S100Z: variants seen among roughly 807,000 people sequenced by gnomAD.
The protein encoded by S100Z is S100 calcium binding protein Z.
Under a neutral mutation model 8.5 loss-of-function variants are expected in S100Z, and 11 were observed. The ratio of observed to expected loss-of-function variants is 1.30; its 90% confidence interval spans 0.82 to 2.15. The LOEUF is 2.15. Ranked by LOEUF, S100Z falls within the 30% of genes most tolerant of loss-of-function variation. S100Z has a pLI of 0.00. For synonymous variants in S100Z, 34 were observed against 43.8 expected (o/e 0.78, Z 0.89); for missense variants, 126 against 117.9 (o/e 1.07, Z -0.32).
intron 4 of S100Z, among the ~76,000 whole-genome samples, chr5:76,889,741 A>G (rs1238950666): frequency 6.6e-6 from 1 of 152,262 alleles, no homozygotes; most frequent in Non-Finnish European, 1.5e-5. Context: ...TCTTTTCCTC[A>G]TGTTAGGAAC....
intron 4 of S100Z, among the ~76,000 whole-genome samples, chr5:76,918,567 A>G (rs952757602): frequency 1.3e-5 from 2 of 152,210 alleles, no homozygotes; most frequent in African/African-American, 4.8e-5. Context: ...AGGTTCATGT[A>G]AAGTTTAGTG....
intron 4 of S100Z, among the ~76,000 whole-genome samples, chr5:76,896,057 C>T (rs1192835267): frequency 6.6e-6 from 1 of 152,058 alleles, no homozygotes; most frequent in Non-Finnish European, 1.5e-5. Flanking sequence ...CCACCAGACC[C>T]AACCATTATA....
intron 1 of S100Z, among the ~76,000 whole-genome samples, chr5:76,868,765 A>G (rs527919901): frequency 2.6e-4 from 40 of 152,130 alleles, no homozygotes; most frequent in African/African-American, 9.2e-4. Flanking sequence ...CTGGGACTAC[A>G]GGCGCATGCC....
At chr5:76,866,245 C>T (rs1428133688) in intron 1 of S100Z, among the ~76,000 whole-genome samples, 6 of 151,544 alleles carry the variant, frequency 4.0e-5, no homozygotes, top group Non-Finnish European at 7.4e-5. Context: ...CCACCATGCC[C>T]GGCTAATTTT....
At chr5:76,871,048 C>T (rs1041056746) in intron 2 of S100Z, among the ~76,000 whole-genome samples, 22 of 152,208 alleles carry the variant, frequency 1.4e-4, no homozygotes, top group African/African-American at 5.1e-4. Context: ...ACCTGAACAA[C>T]TGAATTCCAG....
chr5:76,896,230 G>A (rs573622832), intron 4 of S100Z, among the ~76,000 whole-genome samples: 8 of 152,030 alleles, frequency 5.3e-5, no homozygotes, highest in African/African-American at 9.6e-5. Flanking sequence ...TACTCTCTAT[G>A]TCCATGAGTT....
At chr5:76,857,269 G>A (rs1022083285) in intron 1 of S100Z, among the ~76,000 whole-genome samples, 1 of 152,020 alleles carries the variant, frequency 6.6e-6, no homozygotes, top group African/African-American at 2.4e-5. Context: ...TCCAGCCTGG[G>A]CAACAGGCAA....
chr5:76,892,876 G>A (rs151008875), intron 4 of S100Z, among the ~76,000 whole-genome samples: 3 of 152,154 alleles, frequency 2.0e-5, no homozygotes, highest in Non-Finnish European at 4.4e-5. Flanking sequence ...TCTCAGGTGA[G>A]TGGAGGGATG....
intron 4 of S100Z, among the ~76,000 whole-genome samples, chr5:76,902,979 A>T (rs1744287866): frequency 6.6e-6 from 1 of 152,212 alleles, no homozygotes; most frequent in Non-Finnish European, 1.5e-5. Context: ...TGAGGTCAGG[A>T]GTTCAAGACC....
Position 76,900,656 on chromosome 5 carries a change from G to C in S100Z, c.*3-20061G>C, listed in dbSNP as rs942326280. On this transcript the variant is annotated intron_variant, in intron 4 of 4. Coordinates refer to ENST00000317593, the MANE Select transcript of S100Z (RefSeq NM_130772.4). ...TCTGTGTAATCTTGAATTTCTTTGA[G>C]TTTCTTCAACATAGCTATTTTGAAT... 7.5e-4 allele frequency among the ~76,000 whole-genome samples: 114 copies of C among 152,212 alleles called. 1 individual carries two copies. The highest frequency in any genetic ancestry group is 3.4e-3 in the Middle Eastern group (1 of 294).
the S100Z span, among the ~76,000 whole-genome samples, chr5:76,939,549 G>A: frequency 1.3e-4 from 17 of 135,616 alleles, no homozygotes; most frequent in African/African-American, 4.7e-4. Context: ...TTTTGCTCTT[G>A]TTGCCCAGGT....
At chr5:76,938,966 C>T in the S100Z span, among the ~76,000 whole-genome samples, 3 of 152,052 alleles carry the variant, frequency 2.0e-5, no homozygotes, top group Admixed American at 6.6e-5. Flanking sequence ...CTTTAAGGAC[C>T]ACCTATTATG....
chr5:76,860,288 T>G (rs1008732408), intron 1 of S100Z, among the ~76,000 whole-genome samples: 3 of 152,150 alleles, frequency 2.0e-5, no homozygotes, highest in African/African-American at 7.2e-5. Context: ...AGATGCTACA[T>G]CGACTCCAGC....
intron 4 of S100Z, among the ~76,000 whole-genome samples, chr5:76,883,363 A>G (rs191120441): frequency 3.2e-4 from 48 of 152,312 alleles, no homozygotes; most frequent in Non-Finnish European, 5.4e-4. Context: ...TCTCGACCTA[A>G]TAAGAGAGCT....
chr5:76,934,626 GA>G, the S100Z span, among the ~76,000 whole-genome samples: 7 of 152,206 alleles, frequency 4.6e-5, no homozygotes, highest in African/African-American at 1.7e-4. Flanking sequence ...AGGTGGAAGG[GA>G]GCATTCTCTT....
At chr5:76,946,080 G>A in the S100Z span, among the ~76,000 whole-genome samples, 69 of 152,244 alleles carry the variant, frequency 4.5e-4, no homozygotes, top group Middle Eastern at 0.017. Flanking sequence ...CTAGTCATTT[G>A]GTTAATTTCC....
At chr5:76,867,584 C>CT (rs57865301) in intron 1 of S100Z, among the ~76,000 whole-genome samples, 83 of 144,370 alleles carry the variant, frequency 5.7e-4, no homozygotes, top group African/African-American at 1.5e-3. Context: ...ATCATCCTTA[C>CT]TTTTTTTTTT....
chr5:76,873,846 T>C (rs1366521181), intron 2 of S100Z, among the ~76,000 whole-genome samples: 1 of 152,222 alleles, frequency 6.6e-6, no homozygotes, highest in Non-Finnish European at 1.5e-5. Flanking sequence ...CTTTGGTTTT[T>C]ACATGGACTC....
chr5:76,917,065 G>A (rs1263943646), intron 4 of S100Z, among the ~76,000 whole-genome samples: 1 of 143,350 alleles, frequency 7.0e-6, no homozygotes, highest in African/African-American at 2.7e-5. Flanking sequence ...GGCGGAGGTT[G>A]CAGTGAGCTG....
Sources: gnomAD v4.1 joint callset for allele counts (sites outside exome capture counted in the v4.1 genomes callset) on GRCh38, gnomAD v4.1.1 for gene constraint, MANE v1.5 for transcripts, NCBI Gene and HGNC (gene_info 2026-07-23, HGNC 2026-07-21) for gene names.